DPY19L2: variants seen among roughly 807,000 people sequenced by gnomAD.
DPY19L2 encodes probable C-mannosyltransferase DPY19L2.
Under a neutral mutation model 97.9 loss-of-function variants are expected in DPY19L2, and 34 were observed. The observed-to-expected ratio is 0.35, with a 90% CI of 0.26 to 0.46. DPY19L2 has a LOEUF of 0.46. Ranked by LOEUF, DPY19L2 falls within the 20% of genes least tolerant of loss-of-function variation. DPY19L2 has a pLI of 1.00. For missense variants in DPY19L2, 623 were observed against 911.4 expected (o/e 0.68, Z 4.07); for synonymous variants, 230 against 307.9 (o/e 0.75, Z 2.65).
chr12:63,578,330 G>A (rs1880246804), intron 19 of DPY19L2, among the ~76,000 whole-genome samples: 1 of 152,054 alleles, frequency 6.6e-6, no homozygotes, highest in African/African-American at 2.4e-5. Flanking sequence ...TGAGGGGGTG[G>A]AGGGGAAGTG....
intron 4 of DPY19L2, among the ~76,000 whole-genome samples, chr12:63,660,167 C>G (rs1026753784): frequency 6.6e-6 from 1 of 152,052 alleles, no homozygotes; most frequent in Non-Finnish European, 1.5e-5. Context: ...AACAATTCCA[C>G]TTCTAGGTAT....
chr12:63,637,680 G>C (rs1891969582), intron 6 of DPY19L2, among the ~76,000 whole-genome samples: 1 of 151,970 alleles, frequency 6.6e-6, no homozygotes, highest in African/African-American at 2.4e-5. Flanking sequence ...TCCCTGAATA[G>C]ACCAATAACA....
chr12:63,576,004 G>A lies in DPY19L2; in HGVS notation c.1900+4658C>T, dbSNP rs188440562. ...AGAACCATCAAAAAAAGAAAACTAC[G>A]GGCCAAAATCTCTGATTAATGTTAA... On this transcript the variant is annotated intron_variant, in intron 19 of 21. Coordinates refer to ENST00000324472, the MANE Select transcript of DPY19L2 (RefSeq NM_173812.5). Among the ~76,000 whole-genome samples the A allele has an allele frequency of 4.3e-3, 649 of 151,680 alleles. 10 individuals carry two copies. Among genetic ancestry groups the A allele is most frequent in the African/African-American group, 0.015 (607 of 41,456 alleles).
At chr12:63,618,112 C>T in intron 10 of DPY19L2, 39 bp downstream of exon 10, 2 of 1,072,206 alleles carry the variant, frequency 1.9e-6, no homozygotes, top group East Asian at 2.6e-5. Flanking sequence ...CTCTGAGAAC[C>T]TATCTTAATA....
intron 21 of DPY19L2, among the ~76,000 whole-genome samples, chr12:63,566,005 C>T (rs1170459818): frequency 6.6e-6 from 1 of 152,074 alleles, no homozygotes. Flanking sequence ...TTCACTTCAG[C>T]TTTTCTAATG....
At chr12:63,577,968 ATATT>A (rs1565707004) in intron 19 of DPY19L2, among the ~76,000 whole-genome samples, 1 of 152,122 alleles carries the variant, frequency 6.6e-6, no homozygotes, top group Non-Finnish European at 1.5e-5. Context: ...AAGGAAATAA[ATATT>A]TAGAAGAGGT....
rs1469096011 is a variant in DPY19L2, at chr12:63,617,332, T to G, written c.1190A>C (p.Tyr397Ser). ...MFGNSMYLSS[Y>S]YSSSLLMTWA... Reference sequence around the variant, plus strand: ...CGTCATTAACAAAGATGAAGAATAATAAGAAGATAAGTACATTGAATTTCC... The same window carrying G: ...CGTCATTAACAAAGATGAAGAATAAGAAGAAGATAAGTACATTGAATTTCC... Residue 397 changes from tyrosine (Y) to serine (S), a missense_variant, in exon 11 of 22, where the codon TAT (tyrosine) becomes TCT (serine). Coordinates refer to ENST00000324472, the MANE Select transcript of DPY19L2 (RefSeq NM_173812.5). 5.6e-6 allele frequency: 9 copies of G among 1,596,864 alleles called. No individual in the cohort carries two copies. Among genetic ancestry groups the G allele is most frequent in the African/African-American group, 4.0e-5 (3 of 74,334 alleles).
intron 15 of DPY19L2, among the ~76,000 whole-genome samples, chr12:63,594,420 A>T (rs1883741761): frequency 6.6e-6 from 1 of 150,746 alleles, no homozygotes; most frequent in African/African-American, 2.4e-5. Context: ...GCAGAAAGGA[A>T]GGAGTGAAAC....
chr12:63,626,140 C>G (rs1251041942), intron 7 of DPY19L2, among the ~76,000 whole-genome samples: 1 of 151,288 alleles, frequency 6.6e-6, no homozygotes, highest in Non-Finnish European at 1.5e-5. Flanking sequence ...GGTGAGGCTA[C>G]CACCACCCAC....
At chr12:63,576,108 A>T (rs1278131894) in intron 19 of DPY19L2, among the ~76,000 whole-genome samples, 2 of 151,978 alleles carry the variant, frequency 1.3e-5, no homozygotes, top group Admixed American at 1.3e-4. Flanking sequence ...ACCAAATAGG[A>T]TTTATCTCAG....
rs1229654486 is a variant in DPY19L2 at position 63,559,610 on chromosome 12, G to A, written c.*902C>T. 3 of 152,408 alleles carry A rather than the reference G, an allele frequency of 2.0e-5. No homozygotes were observed. Among genetic ancestry groups the A allele is most frequent in the Non-Finnish European group, 4.4e-5 (3 of 68,018 alleles). The allele number at this position is 152,408 out of a possible 1,614,324, so 9.4% of individuals were successfully genotyped here. ...AAATATATTATTTAAGAAGATAGTGGCCAGAAATAAAGACCATGACCAACA... is the reference window on the plus strand; with the variant it reads ...AAATATATTATTTAAGAAGATAGTGACCAGAAATAAAGACCATGACCAACA... On this transcript the variant is annotated 3_prime_UTR_variant, in exon 22 of 22. Transcript: ENST00000324472.
intron 16 of DPY19L2, among the ~76,000 whole-genome samples, chr12:63,590,520 T>A (rs1489953753): frequency 6.6e-6 from 1 of 152,010 alleles, no homozygotes; most frequent in Non-Finnish European, 1.5e-5. Flanking sequence ...TTCATTGATA[T>A]GGGAAAGGCA....
chr12:63,635,899 C>T (rs1313717740), intron 6 of DPY19L2, among the ~76,000 whole-genome samples: 1 of 152,066 alleles, frequency 6.6e-6, no homozygotes, highest in Non-Finnish European at 1.5e-5. Flanking sequence ...CAAGGCAGGC[C>T]AACATTCAAA....
chr12:63,619,166 C>T lies in DPY19L2; in HGVS notation c.1054-938G>A, dbSNP rs529836761. 8.5e-5 allele frequency among the ~76,000 whole-genome samples: 13 copies of T among 152,114 alleles called. No individual in the cohort carries two copies. The East Asian group carries it at 2.3e-3, about 27-fold the overall frequency. On this transcript the variant is annotated intron_variant, in intron 9 of 21. Coordinates refer to ENST00000324472, the MANE Select transcript of DPY19L2 (RefSeq NM_173812.5). ...GTCATAAAAAAAAAATTGGGCCAGG[C>T]ATGGTGGCTCACGCCTATAATCCCA...
chr12:63,647,864 C>T (rs1158813646), intron 4 of DPY19L2, among the ~76,000 whole-genome samples: 1 of 152,074 alleles, frequency 6.6e-6, no homozygotes, highest in African/African-American at 2.4e-5. Context: ...TTATGAGTTC[C>T]GTGGGCTCTC....
intron 15 of DPY19L2, 79 bp downstream of exon 15, chr12:63,595,887 A>G: frequency 7.7e-7 from 1 of 1,307,120 alleles, no homozygotes. Context: ...CCTAAAAATA[A>G]CATGGAATTC....
chr12:63,655,326 G>A (rs1341322021), intron 4 of DPY19L2, among the ~76,000 whole-genome samples: 2 of 152,130 alleles, frequency 1.3e-5, no homozygotes, highest in African/African-American at 4.8e-5. Flanking sequence ...ACCAAATGCA[G>A]GTGAGGATAC....
chr12:63,596,302 T>C (rs1884225647), intron 14 of DPY19L2, among the ~76,000 whole-genome samples: 3 of 152,116 alleles, frequency 2.0e-5, no homozygotes, highest in Admixed American at 6.6e-5. Flanking sequence ...TATTTTTTCT[T>C]TTCTGTTTTT....
intron 16 of DPY19L2, among the ~76,000 whole-genome samples, chr12:63,590,035 G>A (rs1053409570): frequency 6.6e-6 from 1 of 152,070 alleles, no homozygotes; most frequent in Non-Finnish European, 1.5e-5. Flanking sequence ...GGCTGGGGCA[G>A]GAGAATTGCT....
Sources: allele counts gnomAD v4.1 joint callset (sites outside exome capture counted in the v4.1 genomes callset), GRCh38; gene constraint gnomAD v4.1.1; transcripts MANE v1.5; gene names NCBI Gene and HGNC (gene_info 2026-07-23, HGNC 2026-07-21).